The following ST6GALNAC3 variants were observed in gnomAD, a reference collection of about 807,000 sequenced individuals.
ST6GALNAC3 encodes the protein alpha-N-acetylgalactosaminide alpha-2,6-sialyltransferase 3.
A neutral mutation model predicts 32.7 loss-of-function variants in ST6GALNAC3; 25 were observed. That is an observed-to-expected ratio of 0.76 (90% CI 0.56 to 1.07). ST6GALNAC3 has a LOEUF of 1.07. Among genes scored for constraint, ST6GALNAC3 ranks in the 50% least tolerant of loss-of-function variants. The pLI is 0.00. For missense variants in ST6GALNAC3, 355 were observed against 382.4 expected (o/e 0.93, Z 0.60); for synonymous variants, 129 against 133.1 (o/e 0.97, Z 0.21).
intron 2 of ST6GALNAC3, among the ~76,000 whole-genome samples, chr1:76,401,391 T>C (rs1653404407): frequency 1.3e-5 from 2 of 152,206 alleles, no homozygotes; most frequent in Non-Finnish European, 2.9e-5. Context: ...CATCACTTTT[T>C]ATAGTTTTCA....
intron 3 of ST6GALNAC3, among the ~76,000 whole-genome samples, chr1:76,461,302 A>C (rs1414486911): frequency 6.6e-6 from 1 of 152,172 alleles, no homozygotes; most frequent in Non-Finnish European, 1.5e-5. Context: ...TTTTATATTT[A>C]AGTAGTTTCT....
At chr1:76,126,875 A>C (rs1649291127) in intron 1 of ST6GALNAC3, among the ~76,000 whole-genome samples, 1 of 152,158 alleles carries the variant, frequency 6.6e-6, no homozygotes, top group Non-Finnish European at 1.5e-5. Flanking sequence ...AAGAGTCTAA[A>C]CACCTCCCAC....
rs1379645958 is a variant in ST6GALNAC3, at chr1:76,515,455, T to G, written c.623+103038T>G. 2.0e-5 allele frequency among the ~76,000 whole-genome samples: 3 copies of G among 152,140 alleles called. No homozygotes were observed. In the East Asian group the frequency reaches 5.8e-4, roughly 29 times the overall value. On this transcript the variant is annotated intron_variant, in intron 3 of 4. Transcript: ENST00000328299. ...TTATTATTTCCTTTCTTCTACCAAT[T>G]CTGGCTTAGTTTCTTCTTGTTTGTC...
At chr1:76,466,014 A>G (rs901583484) in intron 3 of ST6GALNAC3, among the ~76,000 whole-genome samples, 2 of 152,124 alleles carry the variant, frequency 1.3e-5, no homozygotes, top group African/African-American at 4.8e-5. Context: ...CCATTAGCTT[A>G]TGTATCACTG....
intron 3 of ST6GALNAC3, among the ~76,000 whole-genome samples, chr1:76,585,311 G>A (rs1228527452): frequency 6.6e-6 from 1 of 151,810 alleles, no homozygotes; most frequent in East Asian, 1.9e-4. Flanking sequence ...TCTTGAACTT[G>A]GGCAGTGGAG....
intron 3 of ST6GALNAC3, among the ~76,000 whole-genome samples, chr1:76,435,350 A>G (rs1656067907): frequency 6.6e-6 from 1 of 152,328 alleles, no homozygotes; most frequent in South Asian, 2.1e-4. Context: ...AAATATATGC[A>G]TGTTATGAAA....
chr1:76,532,551 AG>A (rs1453469488), intron 3 of ST6GALNAC3, among the ~76,000 whole-genome samples: 1 of 152,156 alleles, frequency 6.6e-6, no homozygotes, highest in African/African-American at 2.4e-5. Flanking sequence ...GGGAGTGAAA[AG>A]GGACTGTGAA....
chr1:76,346,708 C>A (rs1252408983), intron 2 of ST6GALNAC3, among the ~76,000 whole-genome samples: 2 of 152,022 alleles, frequency 1.3e-5, no homozygotes, highest in Non-Finnish European at 2.9e-5. Context: ...GTTTTGAGAC[C>A]TTGGCCAAGT....
At chr1:76,487,405 C>A (rs892012434) in intron 3 of ST6GALNAC3, among the ~76,000 whole-genome samples, 9 of 152,188 alleles carry the variant, frequency 5.9e-5, no homozygotes, top group African/African-American at 2.2e-4. Context: ...TCCCATATTT[C>A]TTGGAGGCTT....
At chr1:76,376,448 C>T (rs6688662) in intron 2 of ST6GALNAC3, among the ~76,000 whole-genome samples, 12,371 of 152,202 alleles carry the variant, frequency 0.081, 1,299 homozygotes, top group African/African-American at 0.25. Context: ...CCTTTATGGC[C>T]ACAGACAGCT....
intron 1 of ST6GALNAC3, among the ~76,000 whole-genome samples, chr1:76,178,416 A>C (rs2100450502): frequency 6.6e-6 from 1 of 152,348 alleles, no homozygotes. Flanking sequence ...CTAATGGTAC[A>C]GAGAGAAAGG....
intron 3 of ST6GALNAC3, among the ~76,000 whole-genome samples, chr1:76,462,283 T>C (rs938907783): frequency 2.6e-5 from 4 of 151,640 alleles, no homozygotes; most frequent in Non-Finnish European, 5.9e-5. Flanking sequence ...TGTTTCCTGC[T>C]CTCTCCCCCA....
At chr1:76,316,092 C>A (rs570598670) in intron 2 of ST6GALNAC3, among the ~76,000 whole-genome samples, 1 of 152,098 alleles carries the variant, frequency 6.6e-6, no homozygotes, top group South Asian at 2.1e-4. Context: ...ATACATGAAA[C>A]GCCAGATTGG....
At chr1:76,559,274 A>C (rs1228346501) in intron 3 of ST6GALNAC3, among the ~76,000 whole-genome samples, 1 of 152,194 alleles carries the variant, frequency 6.6e-6, no homozygotes, top group East Asian at 1.9e-4. Flanking sequence ...ACTTATGTGT[A>C]AGACAAATCA....
At chr1:76,582,126 C>T (rs886801774) in intron 3 of ST6GALNAC3, among the ~76,000 whole-genome samples, 7 of 152,080 alleles carry the variant, frequency 4.6e-5, no homozygotes, top group African/African-American at 1.7e-4. Context: ...GAATATGTTG[C>T]ACAGTACTCA....
chr1:76,307,673 C>T (rs1661142299), intron 1 of ST6GALNAC3, among the ~76,000 whole-genome samples: 2 of 152,042 alleles, frequency 1.3e-5, no homozygotes, highest in Non-Finnish European at 1.5e-5. Context: ...CAACTTTATA[C>T]CATTGGTTAT....
At chr1:76,572,776 A>G (rs1646727688) in intron 3 of ST6GALNAC3, among the ~76,000 whole-genome samples, 1 of 152,154 alleles carries the variant, frequency 6.6e-6, no homozygotes, top group Admixed American at 6.6e-5. Flanking sequence ...GAATTAGTTG[A>G]TGAAGGAAAT....
At chr1:76,606,529 C>T (rs780820347) in intron 3 of ST6GALNAC3, among the ~76,000 whole-genome samples, 20 of 151,900 alleles carry the variant, frequency 1.3e-4, no homozygotes, top group Admixed American at 3.9e-4. Context: ...GACATGGACA[C>T]AGGGAGGGAA....
chr1:76,100,800 GT>G (rs35416159), intron 1 of ST6GALNAC3, among the ~76,000 whole-genome samples: 40,010 of 141,438 alleles, frequency 0.28, 6,791 homozygotes, highest in African/African-American at 0.5. Flanking sequence ...ATCAGAATCT[GT>G]TTTTTTTTTT....
Sources: gnomAD v4.1 joint callset for allele counts (sites outside exome capture counted in the v4.1 genomes callset) on GRCh38, gnomAD v4.1.1 for gene constraint, MANE v1.5 for transcripts, NCBI Gene and HGNC (gene_info 2026-07-23, HGNC 2026-07-21) for gene names.